RDH14: variants seen among roughly 807,000 people sequenced by gnomAD.
The protein encoded by RDH14 is retinol dehydrogenase 14, also known as alcohol dehydrogenase PAN2.
RDH14 carries 17 observed loss-of-function variants against 19.3 expected under a neutral mutation model. The observed-to-expected ratio is 0.88, with a 90% CI of 0.60 to 1.32. RDH14 has a LOEUF of 1.32. Among genes scored for constraint, RDH14 ranks in the 40% most tolerant of loss-of-function variants. The probability of loss-of-function intolerance (pLI) is 0.00; values close to 1 mark genes in which losing one functional copy is unlikely to be tolerated. For synonymous variants in RDH14, 215 were observed against 188.9 expected (o/e 1.14, Z -1.13); for missense variants, 534 against 449.2 (o/e 1.19, Z -1.71).
chr2:18,555,724 G>T lies in RDH14; in HGVS notation c.478C>A (p.Gln160Lys). The T allele has an allele frequency of 6.2e-7, 1 of 1,614,054 alleles. No individual in the cohort carries two copies. ...TGCCCCAGATGGTTCACTCCGAACT[G>T]CATCTCAAACCCATCTTCAGTCTTC... is the stretch of plus-strand genomic sequence containing the variant. ...YMKTEDGFEM[Q>K]FGVNHLGHFL... The change falls in exon 2 of 2, where the codon CAG becomes AAG. Residue 160 changes from glutamine (Q) to lysine (K), a missense_variant. Transcript: ENST00000381249.
chr2:18,560,594 G>T lies in RDH14; in HGVS notation c.-22C>A. On this transcript the variant is annotated 5_prime_UTR_variant, in exon 1 of 2. Coordinates refer to ENST00000381249, the MANE Select transcript of RDH14 (RefSeq NM_020905.4). ...CCATCGTCAGGCCCGAGGGCCCACC[G>T]GCCCCTCCACGGGAGTTCCGCAGCC... 7.1e-7 allele frequency: 1 copy of T among 1,410,590 alleles called. No homozygotes were observed. Among genetic ancestry groups the T allele is most frequent in the Non-Finnish European group, 9.1e-7 (1 of 1,093,824 alleles). The allele number at this position is 1,410,590 out of a possible 1,614,324, so 87.4% of individuals were successfully genotyped here. A position where few individuals can be genotyped will look rare whatever the true frequency, so the allele number is the denominator to read the frequency against.
At position 18,555,369 on chromosome 2, in the gene RDH14, G is replaced by C; in HGVS notation, c.833C>G (p.Thr278Ser). 2.5e-6 allele frequency: 4 copies of C among 1,614,048 alleles called. No individual in the cohort carries two copies. The highest frequency in any genetic ancestry group is 2.5e-6 in the Non-Finnish European group (3 of 1,179,976). The change falls in exon 2 of 2, where the codon ACT (threonine) becomes AGT (serine). Residue 278 changes from threonine to serine, a missense_variant. Thr to Ser is a moderately conservative substitution (Grantham distance 58). Coordinates refer to ENST00000381249, the MANE Select transcript of RDH14 (RefSeq NM_020905.4). Reference sequence around the variant, plus strand: ...GGAAGTCTGGGCACCTTCTACTGGAGTTTTGAAAAAAGCCCATGACACCAA... The same window carrying C: ...GGAAGTCTGGGCACCTTCTACTGGACTTTTGAAAAAAGCCCATGACACCAA... Reference protein sequence around the residue: ...FNLVSWAFFKTPVEGAQTSIY... With the variant: ...FNLVSWAFFKSPVEGAQTSIY...
rs558127472 is a variant in RDH14, at chr2:18,555,761, C to A, written c.441G>T (p.Gln147His). 31 of 1,613,806 alleles carry A rather than the reference C, an allele frequency of 1.9e-5. No individual in the cohort carries two copies. In the East Asian group the frequency reaches 6.7e-4, roughly 35 times the overall value. Residue 147 changes from glutamine to histidine, a missense_variant, in exon 2 of 2, where the codon CAG becomes CAT. Physicochemically the swap from Gln to His is conservative, Grantham distance 24 (BLOSUM62 0). Transcript: ENST00000381249. ...CATCTTCAGTCTTCATGTAAGGGCACTGGAAGATCCCTGCGTTATTGATCA... is the reference window on the plus strand; with the variant it reads ...CATCTTCAGTCTTCATGTAAGGGCAATGGAAGATCCCTGCGTTATTGATCA... ...DVLINNAGIF[Q>H]CPYMKTEDGF...
Position 18,560,439 on chromosome 2 carries a change from G to C in RDH14, c.134C>G (p.Thr45Ser). The change falls in exon 1 of 2, where the codon ACT (threonine) becomes AGT (serine). Residue 45 changes from threonine (T) to serine (S), a missense_variant. Thr to Ser is a moderately conservative substitution (Grantham distance 58, BLOSUM62 1). Transcript: ENST00000381249. ...GCTGTTCGCCCCGGTGATCAGCACA[G>C]TCTTCCCGTGCATGAGGCCGGGGTC... is the stretch of plus-strand genomic sequence containing the variant. ...GGDPGLMHGK[T>S]VLITGANSGL... is the part of the protein sequence containing the mutation. 1 of 1,515,260 alleles carries C rather than the reference G, an allele frequency of 6.6e-7. No individual in the cohort carries two copies. Among genetic ancestry groups the C allele is most frequent in the Non-Finnish European group, 8.8e-7 (1 of 1,139,934 alleles). 93.9% of individuals were successfully genotyped at this position (1,515,260 alleles called of 1,614,324 possible). A position where few individuals can be genotyped will look rare whatever the true frequency, so the allele number is the denominator to read the frequency against.
rs1422002564 is a variant in RDH14 at position 18,560,589 on chromosome 2, CCACCG to C, written c.-22_-18del. On this transcript the variant is annotated 5_prime_UTR_variant, in exon 1 of 2. Transcript: ENST00000381249. ...CACTGCCATCGTCAGGCCCGAGGGCCCACCGGCCCCTCCACGGGAGTTCCGCAGCC... is the reference window on the plus strand; with the variant it reads ...CACTGCCATCGTCAGGCCCGAGGGCCGCCCCTCCACGGGAGTTCCGCAGCC... 2 of 1,414,676 alleles carry C rather than the reference CCACCG, an allele frequency of 1.4e-6. No homozygotes were observed. The highest frequency in any genetic ancestry group is 6.0e-5 in the East Asian group (2 of 33,244). 87.6% of individuals were successfully genotyped at this position (1,414,676 alleles called of 1,614,324 possible). A position where few individuals can be genotyped will look rare whatever the true frequency, so the allele number is the denominator to read the frequency against.
intron 1 of RDH14, among the ~76,000 whole-genome samples, chr2:18,559,959 A>G (rs1478335908): frequency 6.6e-6 from 1 of 152,160 alleles, no homozygotes; most frequent in African/African-American, 2.4e-5. Context: ...ACATCCTTAG[A>G]GGACAGAAGG....
Position 18,560,398 on chromosome 2 carries a change from T to A in RDH14, c.175A>T (p.Thr59Ser), listed in dbSNP as rs1052694674. Residue 59 changes from threonine to serine, a missense_variant, in exon 1 of 2, where the codon ACG becomes TCG. By Grantham distance (58) the Thr-to-Ser change is moderately conservative. Coordinates refer to ENST00000381249, the MANE Select transcript of RDH14 (RefSeq NM_020905.4). ...CCCAGGCGCAGTAGCTCGGCGGCCG[T>A]GGCGCGGCCCAGGCCGCTGTTCGCC... ...TGANSGLGRATAAELLRLGAR... is the reference protein window; with the variant it reads ...TGANSGLGRASAAELLRLGAR... 1.3e-6 allele frequency: 2 copies of A among 1,485,272 alleles called. No homozygotes were observed. Among genetic ancestry groups the A allele is most frequent in the Admixed American group, 4.7e-5 (2 of 42,868 alleles). 92.0% of individuals were successfully genotyped at this position (1,485,272 alleles called of 1,614,324 possible).
intron 1 of RDH14, among the ~76,000 whole-genome samples, chr2:18,556,467 T>A (rs1049897310): frequency 6.6e-6 from 1 of 152,062 alleles, no homozygotes; most frequent in African/African-American, 2.4e-5. Context: ...GAGCTTCCAA[T>A]AATTGAGAGA....
chr2:18,558,809 A>G (rs1663995625), intron 1 of RDH14, among the ~76,000 whole-genome samples: 1 of 152,218 alleles, frequency 6.6e-6, no homozygotes, highest in Non-Finnish European at 1.5e-5. Flanking sequence ...AGGCTAATCA[A>G]AGACCCAAAA....
rs1663868435 is a variant in RDH14 at position 18,554,972 on chromosome 2, CATT to C, written c.*216_*218del. The C allele has an allele frequency of 1.9e-6, 1 of 518,620 alleles. No individual in the cohort carries two copies. Among genetic ancestry groups the C allele is most frequent in the Non-Finnish European group, 3.3e-6 (1 of 307,350 alleles). 32.1% of individuals were successfully genotyped at this position (518,620 alleles called of 1,614,324 possible). On this transcript the variant is annotated 3_prime_UTR_variant, in exon 2 of 2. Coordinates refer to ENST00000381249, the MANE Select transcript of RDH14 (RefSeq NM_020905.4). ...TGTATTTTTCATTGTACTTATTATT[CATT>C]ATACTTACTATATATATTTAAAACA... is the stretch of plus-strand genomic sequence containing the variant.
chr2:18,560,511 G>A lies in RDH14; in HGVS notation c.62C>T (p.Ala21Val), dbSNP rs1458654594. 3 of 1,511,208 alleles carry A rather than the reference G, an allele frequency of 2.0e-6. No homozygotes were observed. The highest frequency in any genetic ancestry group is 2.9e-5 in the African/African-American group (2 of 69,588). The allele number at this position is 1,511,208 out of a possible 1,614,324, so 93.6% of individuals were successfully genotyped here. A position where few individuals can be genotyped will look rare whatever the true frequency, so the allele number is the denominator to read the frequency against. ...AALGGALWLAARRFVGPRVQR... is the reference protein window; with the variant it reads ...AALGGALWLAVRRFVGPRVQR... ...GACCCTGGGCCCCACGAACCGGCGGGCCGCCAGCCACAGCGCCCCGCCCAG... is the reference window on the plus strand; with the variant it reads ...GACCCTGGGCCCCACGAACCGGCGGACCGCCAGCCACAGCGCCCCGCCCAG... Residue 21 changes from alanine to valine, a missense_variant, in exon 1 of 2, where the codon GCC (alanine) becomes GTC (valine). Coordinates refer to ENST00000381249, the MANE Select transcript of RDH14 (RefSeq NM_020905.4).
intron 1 of RDH14, among the ~76,000 whole-genome samples, chr2:18,559,365 A>G (rs377290657): frequency 9.4e-4 from 143 of 152,338 alleles, no homozygotes; most frequent in African/African-American, 3.3e-3. Flanking sequence ...AGTGTTCTGG[A>G]GACAGACCAC....
Position 18,555,365 on chromosome 2 carries a change from T to C in RDH14, c.837A>G (p.Pro279=), listed in dbSNP as rs750543266. 7 of 1,613,958 alleles carry C rather than the reference T, an allele frequency of 4.3e-6. No individual in the cohort carries two copies. In the South Asian group the frequency reaches 7.7e-5, roughly 18 times the overall value. The part of the protein sequence containing the change: ...NLVSWAFFKT[P]VEGAQTSIYL... ...AAATGGAAGTCTGGGCACCTTCTAC[T>C]GGAGTTTTGAAAAAAGCCCATGACA... Residue 279 remains proline (P), a synonymous_variant, in exon 2 of 2, where the codon CCA becomes CCG. Coordinates refer to ENST00000381249, the MANE Select transcript of RDH14 (RefSeq NM_020905.4).
Position 18,560,537 on chromosome 2 carries a change from A to G in RDH14, c.36T>C (p.Ala12=), listed in dbSNP as rs1664086143. ...CCGCCAGCCACAGCGCCCCGCCCAG[A>G]GCGGCCAGTACTGCCGCCGCAGTGG... ...AVATAAAVLA[A]LGGALWLAAR... is the part of the protein sequence containing the mutation. Residue 12 remains alanine (A), a synonymous_variant, in exon 1 of 2, where the codon GCT becomes GCC. Transcript: ENST00000381249. 4 of 1,507,724 alleles carry G rather than the reference A, an allele frequency of 2.7e-6. No homozygotes were observed. The highest frequency in any genetic ancestry group is 1.4e-5 in the African/African-American group (1 of 69,424). 93.4% of individuals were successfully genotyped at this position (1,507,724 alleles called of 1,614,324 possible). A position where few individuals can be genotyped will look rare whatever the true frequency, so the allele number is the denominator to read the frequency against.
In RDH14 at chr2:18,560,606, G is replaced by A; in HGVS notation, c.-34C>T. 1 of 1,392,024 alleles carries A rather than the reference G, an allele frequency of 7.2e-7. No homozygotes were observed. Among genetic ancestry groups the A allele is most frequent in the Non-Finnish European group, 9.2e-7 (1 of 1,083,626 alleles). The allele number at this position is 1,392,024 out of a possible 1,614,324, so 86.2% of individuals were successfully genotyped here. ...CCGAGGGCCCACCGGCCCCTCCACGGGAGTTCCGCAGCCGCCGCCTTACCG... is the reference window on the plus strand; with the variant it reads ...CCGAGGGCCCACCGGCCCCTCCACGAGAGTTCCGCAGCCGCCGCCTTACCG... On this transcript the variant is annotated 5_prime_UTR_variant, in exon 1 of 2. Coordinates refer to ENST00000381249, the MANE Select transcript of RDH14 (RefSeq NM_020905.4).
At chr2:18,557,204 C>G (rs1663946327) in intron 1 of RDH14, among the ~76,000 whole-genome samples, 1 of 78,730 alleles carries the variant, frequency 1.3e-5, no homozygotes, top group African/African-American at 5.3e-5. Context: ...TGTTCTGTTT[C>G]TTTTGATGGA....
chr2:18,555,611 G>A lies in RDH14; in HGVS notation c.591C>T (p.Tyr197=), dbSNP rs138658701. 30 of 1,613,922 alleles carry A rather than the reference G, an allele frequency of 1.9e-5. No individual in the cohort carries two copies. The highest frequency in any genetic ancestry group is 5.5e-5 in the South Asian group (5 of 91,084). ...TCAAGTCATCAAAATTGATGTCTCC[G>A]TATTTATAAAGTTTGGAAGAAACTA... ...IVVVSSKLYK[Y]GDINFDDLNS... The change falls in exon 2 of 2, where the codon TAC becomes TAT. Residue 197 remains tyrosine (Y), a synonymous_variant. Coordinates refer to ENST00000381249, the MANE Select transcript of RDH14 (RefSeq NM_020905.4).
chr2:18,559,432 GATA>G (rs1447800995), intron 1 of RDH14, among the ~76,000 whole-genome samples: 9 of 152,328 alleles, frequency 5.9e-5, no homozygotes, highest in African/African-American at 9.6e-5. Context: ...AAACAGGGAT[GATA>G]ATAATGCCTA....
At chr2:18,556,955 T>C (rs1177646545) in intron 1 of RDH14, among the ~76,000 whole-genome samples, 1 of 152,130 alleles carries the variant, frequency 6.6e-6, no homozygotes. Context: ...GGAGAGAACA[T>C]CATGAATAAA....
Sources: allele counts gnomAD v4.1 joint callset (sites outside exome capture counted in the v4.1 genomes callset), GRCh38; gene constraint gnomAD v4.1.1; transcripts MANE v1.5; gene names NCBI Gene and HGNC (gene_info 2026-07-23, HGNC 2026-07-21).